DNAJC15: variants seen among roughly 807,000 people sequenced by gnomAD.
DNAJC15 encodes dnaJ homolog subfamily C member 15.
Under a neutral mutation model 22.4 loss-of-function variants are expected in DNAJC15, and 27 were observed. The ratio of observed to expected loss-of-function variants is 1.20; its 90% CI spans 0.89 to 1.66. DNAJC15 has a LOEUF of 1.66. DNAJC15 is among the 40% of genes most tolerant of loss of function. The pLI, the probability that DNAJC15 is intolerant of heterozygous loss-of-function variation, is 0.00. For synonymous variants in DNAJC15, 79 were observed against 63.2 expected (o/e 1.25, Z -1.19); for missense variants, 208 against 187.1 (o/e 1.11, Z -0.65).
intron 1 of DNAJC15, among the ~76,000 whole-genome samples, chr13:43,042,501 G>A: frequency 6.6e-6 from 1 of 152,178 alleles, no homozygotes. Flanking sequence ...GGGCAGGAGT[G>A]CATTAAGAGT....
At chr13:43,061,690 C>CA (rs1175285705) in intron 1 of DNAJC15, among the ~76,000 whole-genome samples, 5 of 152,244 alleles carry the variant, frequency 3.3e-5, no homozygotes, top group African/African-American at 1.2e-4. Context: ...TTTCAATGAC[C>CA]AAATCTCATT....
At chr13:43,038,488 A>G (rs187267024) in intron 1 of DNAJC15, among the ~76,000 whole-genome samples, 40 of 152,320 alleles carry the variant, frequency 2.6e-4, no homozygotes, top group African/African-American at 9.4e-4. Context: ...TAAACATAGG[A>G]GTATTAAAAA....
At chr13:43,103,110 C>T (rs1475435209) in intron 5 of DNAJC15, among the ~76,000 whole-genome samples, 2 of 152,042 alleles carry the variant, frequency 1.3e-5, no homozygotes, top group African/African-American at 4.8e-5. Flanking sequence ...TTGATTCTCT[C>T]TCGAATGCTA....
rs1262288799 is a variant in DNAJC15, at chr13:43,043,296, C to T, written c.108+19562C>T. On this transcript the variant is annotated intron_variant, in intron 1 of 5. Transcript: ENST00000379221. ...CTAATTTTTGTATTTTTAGTAGAGA[C>T]GGGGTTTCACCATGTTGGCCAGACT... Among the ~76,000 whole-genome samples, 5 of 152,098 alleles carry T rather than the reference C, an allele frequency of 3.3e-5. No homozygotes were observed. In the South Asian group the frequency reaches 6.2e-4, roughly 19 times the overall value.
intron 1 of DNAJC15, among the ~76,000 whole-genome samples, chr13:43,063,651 A>C (rs988135702): frequency 3.8e-5 from 4 of 105,332 alleles, no homozygotes; most frequent in Non-Finnish European, 3.9e-5. Context: ...CCCGTTTTCT[A>C]TTTGGTTGTC....
rs1593305116 is a variant in DNAJC15, at chr13:43,023,736, T to G, written c.108+2T>G. The G allele has an allele frequency of 6.2e-7, 1 of 1,605,338 alleles. No homozygotes were observed. Among genetic ancestry groups the G allele is most frequent in the Non-Finnish European group, 8.5e-7 (1 of 1,176,346 alleles). ...GCCGACGTCGACCAGCAGAGACTGG[T>G]GAGTCCTGCCAGCGGCCCCCACCCC... On this transcript the variant is annotated splice_donor_variant, in intron 1 of 5. Coordinates refer to ENST00000379221, the MANE Select transcript of DNAJC15 (RefSeq NM_013238.3). LOFTEE classifies it high-confidence loss of function.
chr13:43,029,070 A>T (rs1321441882), intron 1 of DNAJC15, among the ~76,000 whole-genome samples: 1 of 152,218 alleles, frequency 6.6e-6, no homozygotes, highest in Non-Finnish European at 1.5e-5. Flanking sequence ...CTTAATAAAT[A>T]AACATGGATA....
intron 5 of DNAJC15, among the ~76,000 whole-genome samples, chr13:43,098,980 T>C (rs1387074323): frequency 6.6e-6 from 1 of 152,176 alleles, no homozygotes; most frequent in Non-Finnish European, 1.5e-5. Context: ...TAAATTAGAA[T>C]GGGGAATTTT....
chr13:43,077,425 T>C (rs1288455093), intron 3 of DNAJC15, among the ~76,000 whole-genome samples: 1 of 152,178 alleles, frequency 6.6e-6, no homozygotes, highest in Non-Finnish European at 1.5e-5. Context: ...CCTCAGCCAA[T>C]CTCACAATAA....
chr13:43,097,704 G>A (rs1404702941), intron 5 of DNAJC15, among the ~76,000 whole-genome samples: 1 of 152,160 alleles, frequency 6.6e-6, no homozygotes, highest in Non-Finnish European at 1.5e-5. Context: ...TTGGGAGGCT[G>A]AGGCGGGGAG....
intron 1 of DNAJC15, among the ~76,000 whole-genome samples, chr13:43,061,339 T>TTA (rs1351514837): frequency 3.9e-5 from 6 of 152,156 alleles, no homozygotes; most frequent in African/African-American, 1.2e-4. Context: ...TTTAGTTACC[T>TTA]TATCAGCATA....
intron 5 of DNAJC15, among the ~76,000 whole-genome samples, chr13:43,089,862 G>A (rs968117148): frequency 1.3e-5 from 2 of 152,126 alleles, no homozygotes; most frequent in African/African-American, 2.4e-5. Flanking sequence ...GCAGAAAAGT[G>A]CACAAATCAT....
At chr13:43,052,782 T>TA (rs1352475535) in intron 1 of DNAJC15, among the ~76,000 whole-genome samples, 1 of 152,176 alleles carries the variant, frequency 6.6e-6, no homozygotes, top group Non-Finnish European at 1.5e-5. Context: ...TTCTTGTAGA[T>TA]AGTGTGTATT....
At chr13:43,067,112 C>G (rs1293308710) in intron 2 of DNAJC15, among the ~76,000 whole-genome samples, 1 of 152,092 alleles carries the variant, frequency 6.6e-6, no homozygotes, top group African/African-American at 2.4e-5. Flanking sequence ...TTAATTGGCT[C>G]TTTTAGGCAG....
chr13:43,034,695 A>G (rs1490116806), intron 1 of DNAJC15, among the ~76,000 whole-genome samples: 1 of 152,154 alleles, frequency 6.6e-6, no homozygotes, highest in Non-Finnish European at 1.5e-5. Flanking sequence ...TTTGGATTAT[A>G]ATCCACTACC....
In DNAJC15 at chr13:43,107,355, AC is replaced by A; in HGVS notation, c.*109del. On this transcript the variant is annotated 3_prime_UTR_variant, in exon 6 of 6. Transcript: ENST00000379221. ...TCTTCTTAATTTTCTATATGGATTGACCACAGTCTTATCTTCCACCATTAAG... is the reference window on the plus strand; with the variant it reads ...TCTTCTTAATTTTCTATATGGATTGACACAGTCTTATCTTCCACCATTAAG... The A allele has an allele frequency of 1.2e-6, 1 of 858,906 alleles. No individual in the cohort carries two copies. 53.2% of individuals were successfully genotyped at this position (858,906 alleles called of 1,614,324 possible).
intron 3 of DNAJC15, among the ~76,000 whole-genome samples, chr13:43,071,070 G>A (rs1007230906): frequency 1.8e-4 from 28 of 152,162 alleles, no homozygotes; most frequent in Admixed American, 1.0e-3. Flanking sequence ...TTTCTGTTAC[G>A]GTGATCTTCA....
At chr13:43,035,374 A>G (rs1402987280) in intron 1 of DNAJC15, among the ~76,000 whole-genome samples, 1 of 152,194 alleles carries the variant, frequency 6.6e-6, no homozygotes, top group Non-Finnish European at 1.5e-5. Flanking sequence ...ATAAGGTTAA[A>G]TATTGCATAT....
At chr13:43,031,439 T>C (rs2040403553) in intron 1 of DNAJC15, among the ~76,000 whole-genome samples, 4 of 152,146 alleles carry the variant, frequency 2.6e-5, no homozygotes, top group Non-Finnish European at 1.5e-5. Context: ...GGGTAGAAAC[T>C]AAACCTAGAC....
Sources: allele counts gnomAD v4.1 joint callset (sites outside exome capture counted in the v4.1 genomes callset), GRCh38; gene constraint gnomAD v4.1.1; transcripts MANE v1.5; gene names NCBI Gene and HGNC (gene_info 2026-07-23, HGNC 2026-07-21).